CYFIP2: variants seen among roughly 807,000 people sequenced by gnomAD.
CYFIP2 encodes the protein cytoplasmic FMR1-interacting protein 2.
CYFIP2 carries 29 observed loss-of-function variants against 158.7 expected under a neutral mutation model. The ratio of observed to expected loss-of-function variants is 0.18; its 90% CI spans 0.14 to 0.25. The LOEUF is 0.25. Among genes scored for constraint, CYFIP2 ranks in the 10% least tolerant of loss-of-function variants. The pLI is 1.00. For missense variants in CYFIP2, 852 were observed against 1,639.5 expected (o/e 0.52, Z 8.29); for synonymous variants, 585 against 617.6 (o/e 0.95, Z 0.78).
At chr5:157,328,350 AC>A (rs1432709746) in intron 19 of CYFIP2, among the ~76,000 whole-genome samples, 1 of 152,166 alleles carries the variant, frequency 6.6e-6, no homozygotes, top group Non-Finnish European at 1.5e-5. Flanking sequence ...CGATGGTTAA[AC>A]CTTTGGGGGC....
At chr5:157,280,200 T>TTGTGTG (rs375152190) in intron 1 of CYFIP2, among the ~76,000 whole-genome samples, 1 of 151,418 alleles carries the variant, frequency 6.6e-6, no homozygotes, top group Non-Finnish European at 1.5e-5. Flanking sequence ...ATGAGTATTT[T>TTGTGTG]TGTGTGTGTG....
At chr5:157,347,896 AGGCGGAGGCCAGG>A (rs922579610) in intron 23 of CYFIP2, among the ~76,000 whole-genome samples, 3 of 152,210 alleles carry the variant, frequency 2.0e-5, no homozygotes, top group Non-Finnish European at 4.4e-5. Context: ...CCAGACTCGG[AGGCGGAGGCCAGG>A]GTTCATCCCG....
At chr5:157,276,036 A>G (rs1007308341) in intron 1 of CYFIP2, among the ~76,000 whole-genome samples, 2 of 152,184 alleles carry the variant, frequency 1.3e-5, no homozygotes, top group South Asian at 2.1e-4. Flanking sequence ...ATGACTTTCA[A>G]TAGTTTTTAG....
chr5:157,383,210 C>G, intron 27 of CYFIP2, 55 bp from the exon 28 acceptor site: 1 of 1,522,272 alleles, frequency 6.6e-7, no homozygotes, highest in Non-Finnish European at 9.1e-7. Flanking sequence ...TTTTCCTTCC[C>G]CAGTTGCCCT....
intron 1 of CYFIP2, among the ~76,000 whole-genome samples, chr5:157,273,633 G>A (rs1756295528): frequency 6.6e-6 from 1 of 151,868 alleles, no homozygotes; most frequent in Admixed American, 6.6e-5. Context: ...TATCCCCGTT[G>A]GTTTTTGCTC....
intron 15 of CYFIP2, among the ~76,000 whole-genome samples, 186 bp from the exon 16 acceptor site, chr5:157,323,735 G>A (rs900373569): frequency 6.6e-6 from 1 of 152,190 alleles, no homozygotes; most frequent in Admixed American, 6.5e-5. Context: ...GCCCGGGTTG[G>A]CCATGAAGGT....
intron 30 of CYFIP2, among the ~76,000 whole-genome samples, chr5:157,392,312 C>G (rs1463956642): frequency 1.3e-5 from 2 of 152,170 alleles, no homozygotes; most frequent in East Asian, 3.8e-4. Flanking sequence ...AATCCAACAT[C>G]ATGAAAATTT....
At chr5:157,323,743 G>A (rs994680732) in intron 15 of CYFIP2, among the ~76,000 whole-genome samples, 178 bp from the exon 16 acceptor site, 1 of 152,174 alleles carries the variant, frequency 6.6e-6, no homozygotes, top group African/African-American at 2.4e-5. Context: ...TGGCCATGAA[G>A]GTTTTCACAG....
intron 15 of CYFIP2, chr5:157,322,867 TC>T: frequency 1.4e-6 from 2 of 1,396,518 alleles, no homozygotes; most frequent in Non-Finnish European, 2.0e-6. Context: ...TCTCTCTCTC[TC>T]TTTCTCTCTC....
intron 13 of CYFIP2, among the ~76,000 whole-genome samples, chr5:157,318,106 A>G (rs533859947): frequency 6.6e-6 from 1 of 152,312 alleles, no homozygotes; most frequent in South Asian, 2.1e-4. Context: ...AATTCATTCC[A>G]TATTTTAGAT....
At chr5:157,284,697 C>G (rs1757240026) in intron 1 of CYFIP2, among the ~76,000 whole-genome samples, 1 of 152,220 alleles carries the variant, frequency 6.6e-6, no homozygotes, top group South Asian at 2.1e-4. Context: ...GGGTCTAAGA[C>G]ACAGAAATAT....
chr5:157,290,685 G>A (rs187268007), intron 3 of CYFIP2, among the ~76,000 whole-genome samples: 95 of 152,292 alleles, frequency 6.2e-4, no homozygotes, highest in Middle Eastern at 3.4e-3. Flanking sequence ...GTCATGAGTG[G>A]CATGCAATGC....
intron 9 of CYFIP2, among the ~76,000 whole-genome samples, chr5:157,308,082 A>G (rs1308805604): frequency 2.6e-5 from 4 of 152,028 alleles, no homozygotes; most frequent in Non-Finnish European, 4.4e-5. Context: ...CTGCTGCATG[A>G]AAGCCACACA....
At chr5:157,338,004 C>T (rs757324631) in intron 21 of CYFIP2, among the ~76,000 whole-genome samples, 4 of 152,182 alleles carry the variant, frequency 2.6e-5, no homozygotes, top group African/African-American at 4.8e-5. Context: ...ACCATTGTAC[C>T]GATCCTAAAA....
chr5:157,380,757 C>A (rs1233746317), intron 26 of CYFIP2, among the ~76,000 whole-genome samples: 1 of 152,192 alleles, frequency 6.6e-6, no homozygotes, highest in Non-Finnish European at 1.5e-5. Flanking sequence ...ATTCAAAAAT[C>A]ATCCAATGTA....
chr5:157,369,137 A>G (rs1175259154), intron 26 of CYFIP2, among the ~76,000 whole-genome samples: 1 of 152,082 alleles, frequency 6.6e-6, no homozygotes, highest in African/African-American at 2.4e-5. Flanking sequence ...ACCTCAAGTG[A>G]TCCACCTGCC....
chr5:157,325,453 AC>A, intron 16 of CYFIP2, 28 bp from the exon 17 acceptor site: 1 of 1,571,454 alleles, frequency 6.4e-7, no homozygotes, highest in African/African-American at 1.4e-5. Flanking sequence ...TCTAAAAGTA[AC>A]CAAAGGCTCG....
chr5:157,328,175 G>A (rs545754721), intron 19 of CYFIP2, 126 bp downstream of exon 19: 24 of 873,930 alleles, frequency 2.7e-5, no homozygotes, highest in Admixed American at 7.8e-5. Flanking sequence ...CCACGGACCC[G>A]GACTGGGTGC....
Position 157,319,746 on chromosome 5 carries a change from G to C in CYFIP2, c.1357-16G>C. 6.2e-7 allele frequency: 1 copy of C among 1,613,452 alleles called. No individual in the cohort carries two copies. The highest frequency in any genetic ancestry group is 1.1e-5 in the South Asian group (1 of 91,050). ...CTGGACATGGTGAACATGACCCTTG[G>C]CCTCTTCCTGCCCAGGTGATCGCCA... On this transcript the variant is annotated splice_polypyrimidine_tract_variant and intron_variant, in intron 13 of 30. Coordinates refer to ENST00000620254, the MANE Select transcript of CYFIP2 (RefSeq NM_001037333.3).
Sources: gnomAD v4.1 joint callset for allele counts (sites outside exome capture counted in the v4.1 genomes callset) on GRCh38, gnomAD v4.1.1 for gene constraint, MANE v1.5 for transcripts, NCBI Gene and HGNC (gene_info 2026-07-23, HGNC 2026-07-21) for gene names.